Variants in THSD7A observed in about 807,000 individuals in gnomAD.
The protein encoded by THSD7A is thrombospondin type 1 domain containing 7A, also known as thrombospondin type-1 domain-containing protein 7A.
THSD7A carries 96 observed loss-of-function variants against 231.3 expected under a neutral mutation model. The observed-to-expected ratio is 0.41, with a 90% CI of 0.35 to 0.49. The LOEUF (loss-of-function observed/expected upper bound fraction) is 0.49, where lower values mean the gene tolerates loss of function less well. Ranked by LOEUF, THSD7A falls within the 20% of genes least tolerant of loss-of-function variation. THSD7A has a pLI of 0.05. For synonymous variants in THSD7A, 940 were observed against 743.3 expected (o/e 1.26, Z -4.30); for missense variants, 2,290 against 2,070.2 (o/e 1.11, Z -2.06).
intron 6 of THSD7A, among the ~76,000 whole-genome samples, chr7:11,527,724 G>C (rs13239248): frequency 0.26 from 39,414 of 152,156 alleles, 6,410 homozygotes; most frequent in Non-Finnish European, 0.36. Context: ...ATACATCTGT[G>C]AGTCTAAGCC....
intron 4 of THSD7A, among the ~76,000 whole-genome samples, chr7:11,550,880 G>T (rs997102074): frequency 2.0e-5 from 3 of 152,028 alleles, no homozygotes; most frequent in African/African-American, 4.8e-5. Context: ...AAAGTAGCCT[G>T]AATAGCCAAA....
In THSD7A at chr7:11,379,682, G is replaced by T. The variant is rs375240828; in HGVS notation, c.4538C>A (p.Ala1513Asp). The T allele has an allele frequency of 3.1e-6, 5 of 1,592,858 alleles. No homozygotes were observed. Among genetic ancestry groups the T allele is most frequent in the Middle Eastern group, 1.7e-4 (1 of 6,036 alleles). ...ACACGGTGGGTTACAAGACCTGTCG[G>T]CATCAGGCTGGCTCATCACCAAGCA... ...GGCLVMSQPD[A>D]DRSCNPPCSQ... Residue 1513 changes from alanine (A) to aspartate (D), a missense_variant, in exon 25 of 28, where the codon GCC becomes GAC. By Grantham distance (126) the Ala-to-Asp change is moderately radical. Transcript: ENST00000423059.
chr7:11,642,787 T>A (rs899454853), intron 1 of THSD7A, among the ~76,000 whole-genome samples: 1 of 152,120 alleles, frequency 6.6e-6, no homozygotes, highest in Non-Finnish European at 1.5e-5. Flanking sequence ...GTTGATAAAA[T>A]AATGAATTTA....
At chr7:11,671,372 T>C (rs1451091497) in intron 1 of THSD7A, among the ~76,000 whole-genome samples, 3 of 152,196 alleles carry the variant, frequency 2.0e-5, no homozygotes, top group Non-Finnish European at 1.5e-5. Flanking sequence ...TGCTTATTAG[T>C]AATAATCAAA....
chr7:11,538,775 G>A (rs1383986727), intron 6 of THSD7A, among the ~76,000 whole-genome samples: 1 of 152,010 alleles, frequency 6.6e-6, no homozygotes, highest in African/African-American at 2.4e-5. Flanking sequence ...CTCTGACAGA[G>A]AAGCTATGCA....
At chr7:11,619,121 A>T (rs1231244890) in intron 2 of THSD7A, among the ~76,000 whole-genome samples, 1 of 152,072 alleles carries the variant, frequency 6.6e-6, no homozygotes, top group Non-Finnish European at 1.5e-5. Flanking sequence ...GAGGACACAA[A>T]GATAAAGAAT....
intron 1 of THSD7A, among the ~76,000 whole-genome samples, chr7:11,639,391 C>T (rs114200466): frequency 0.13 from 19,894 of 152,048 alleles, 1,510 homozygotes; most frequent in Admixed American, 0.2. Context: ...GTGATTGGGC[C>T]GGGCGCTGTG....
intron 1 of THSD7A, among the ~76,000 whole-genome samples, chr7:11,699,481 G>A (rs973271099): frequency 6.6e-6 from 1 of 151,238 alleles, no homozygotes; most frequent in Admixed American, 6.6e-5. Flanking sequence ...TTATCAGTTT[G>A]TTTGGGGTTT....
chr7:11,802,901 C>T (rs1784313778), intron 1 of THSD7A, among the ~76,000 whole-genome samples: 1 of 152,130 alleles, frequency 6.6e-6, no homozygotes, highest in African/African-American at 2.4e-5. Flanking sequence ...CTAGACATAA[C>T]ATTTCTTCCT....
In THSD7A at chr7:11,731,929, ATTTTAGCAT is replaced by A. The variant is rs1781750033; in HGVS notation, c.191-94977_191-94969del. Among the ~76,000 whole-genome samples, 10 of 151,828 alleles carry A rather than the reference ATTTTAGCAT, an allele frequency of 6.6e-5. No homozygotes were observed. The South Asian group carries it at 2.1e-3, about 31-fold the overall frequency. On this transcript the variant is annotated intron_variant, in intron 1 of 27. Coordinates refer to ENST00000423059, the MANE Select transcript of THSD7A (RefSeq NM_015204.3). Reference sequence around the variant, plus strand: ...AATTACAGAACCCCAAGTCCAGCTTATTTTAGCATCAGAATCCTTAGTACACTAGTGTTT... The same window carrying A: ...AATTACAGAACCCCAAGTCCAGCTTACAGAATCCTTAGTACACTAGTGTTT...
At chr7:11,437,767 TG>T (rs572732710) in intron 13 of THSD7A, among the ~76,000 whole-genome samples, 103 of 152,208 alleles carry the variant, frequency 6.8e-4, no homozygotes, top group African/African-American at 2.3e-3. Context: ...CATTCAATTT[TG>T]TTTCTAATTA....
intron 2 of THSD7A, among the ~76,000 whole-genome samples, chr7:11,630,224 A>G (rs1009678884): frequency 6.6e-6 from 1 of 152,208 alleles, no homozygotes; most frequent in African/African-American, 2.4e-5. Flanking sequence ...AACCAGGCAA[A>G]AAGAGATAAG....
Position 11,412,694 on chromosome 7 carries a change from A to G in THSD7A, c.3644T>C (p.Leu1215Pro). The G allele has an allele frequency of 6.2e-7, 1 of 1,613,810 alleles. No homozygotes were observed. Among genetic ancestry groups the G allele is most frequent in the Admixed American group, 1.7e-5 (1 of 59,988 alleles). Residue 1215 changes from leucine to proline, a missense_variant, in exon 18 of 28, where the codon CTG becomes CCG. Coordinates refer to ENST00000423059, the MANE Select transcript of THSD7A (RefSeq NM_015204.3). ...PNAVEKEPCN[L>P]NKNCYHYDYN... ...ATCATAGTGGTAGCAGTTTTTGTTC[A>G]GGTTACAGGGTTCTTTCTCAACAGC...
At chr7:11,395,969 G>T (rs1362850512) in intron 23 of THSD7A, among the ~76,000 whole-genome samples, 5 of 152,106 alleles carry the variant, frequency 3.3e-5, no homozygotes, top group Admixed American at 6.6e-5. Context: ...AATCAAATTA[G>T]AAGTCAGGAT....
At chr7:11,776,181 G>A (rs1443830835) in intron 1 of THSD7A, among the ~76,000 whole-genome samples, 2 of 152,144 alleles carry the variant, frequency 1.3e-5, no homozygotes, top group Non-Finnish European at 2.9e-5. Flanking sequence ...GAGGGGAAAT[G>A]CCTCTTTCCA....
intron 23 of THSD7A, among the ~76,000 whole-genome samples, chr7:11,390,265 A>C (rs887649288): frequency 1.6e-5 from 2 of 125,022 alleles, no homozygotes; most frequent in African/African-American, 5.8e-5. Flanking sequence ...TAGTCTTTTC[A>C]CATAGTCCCA....
intron 1 of THSD7A, among the ~76,000 whole-genome samples, chr7:11,804,353 A>G (rs1784348811): frequency 6.6e-6 from 1 of 152,168 alleles, no homozygotes; most frequent in Admixed American, 6.6e-5. Context: ...AAGATAGTGA[A>G]TTTATTTCCT....
At chr7:11,410,722 T>A (rs1783754856) in intron 19 of THSD7A, among the ~76,000 whole-genome samples, 1 of 152,096 alleles carries the variant, frequency 6.6e-6, no homozygotes, top group Non-Finnish European at 1.5e-5. Flanking sequence ...TCTGTTTGAA[T>A]TTCAGGCTTT....
chr7:11,413,516 A>G (rs1240417781), intron 17 of THSD7A, among the ~76,000 whole-genome samples: 2 of 152,240 alleles, frequency 1.3e-5, no homozygotes, highest in Non-Finnish European at 2.9e-5. Flanking sequence ...AAATTATGGC[A>G]GTAAAAGAGA....
Sources: gnomAD v4.1 joint callset for allele counts (sites outside exome capture counted in the v4.1 genomes callset) on GRCh38, gnomAD v4.1.1 for gene constraint, MANE v1.5 for transcripts, NCBI Gene and HGNC (gene_info 2026-07-23, HGNC 2026-07-21) for gene names.